Variants in ADAMTS7 observed in about 807,000 individuals in gnomAD.
The protein encoded by ADAMTS7 is ADAM metallopeptidase with thrombospondin type 1 motif 7.
Under a neutral mutation model 172.6 loss-of-function variants are expected in ADAMTS7, and 89 were observed. The ratio of observed to expected loss-of-function variants is 0.52; its 90% CI spans 0.43 to 0.61. The LOEUF (loss-of-function observed/expected upper bound fraction) is 0.61. Ranked by LOEUF, ADAMTS7 falls within the 20% of genes least tolerant of loss-of-function variation. ADAMTS7 has a pLI of 0.00. For missense variants in ADAMTS7, 1,973 were observed against 2,355.6 expected, an observed-to-expected ratio of 0.84 and a Z score of 3.36; for synonymous variants, 885 against 978.4, an observed-to-expected ratio of 0.90 and a Z score of 1.78.
chr15:78,765,787 G>T lies in ADAMTS7; in HGVS notation c.4124C>A (p.Ser1375Tyr), dbSNP rs759675330. ...PEVPLSSRLL[S>Y]TPAWDSPANS... is the part of the protein sequence containing the mutation. Reference sequence around the variant, plus strand: ...GGCGGGGCTGTCCCAAGCTGGTGTGGACAGCAGCCTAGAGCTCAGGGGCAC... The same window carrying T: ...GGCGGGGCTGTCCCAAGCTGGTGTGTACAGCAGCCTAGAGCTCAGGGGCAC... The change falls in exon 19 of 24, where the codon TCC becomes TAC. Residue 1375 changes from serine (S) to tyrosine (Y), a missense_variant. By Grantham distance (144) the Ser-to-Tyr change is moderately radical. This residue lies in a region of ADAMTS7 where 771 missense variants were observed against 952.6 expected (regional missense o/e 0.81). Transcript: ENST00000388820. The T allele has an allele frequency of 2.4e-5, 38 of 1,607,550 alleles. No individual in the cohort carries two copies. Among genetic ancestry groups the T allele is most frequent in the Non-Finnish European group, 1.2e-5 (14 of 1,178,890 alleles).
chr15:78,761,211 A>C (rs1407842099), intron 23 of ADAMTS7, among the ~76,000 whole-genome samples: 1 of 152,218 alleles, frequency 6.6e-6, no homozygotes, highest in Non-Finnish European at 1.5e-5. Flanking sequence ...CTGAGCCTGA[A>C]TGAGGGCTGC....
In ADAMTS7 at chr15:78,800,455, G is replaced by C. The variant is rs771557466; in HGVS notation, c.193C>G (p.Arg65Gly). 3.1e-6 allele frequency: 5 copies of C among 1,610,968 alleles called. No homozygotes were observed. The highest frequency in any genetic ancestry group is 2.2e-5 in the East Asian group (1 of 44,792). The change falls in exon 2 of 24, where the codon CGC becomes GGC. Residue 65 changes from arginine (R) to glycine (G), a missense_variant. Arg to Gly is a moderately radical substitution (Grantham distance 125, BLOSUM62 -2). This residue lies in a region of ADAMTS7 where 306 missense variants were observed against 288.0 expected (regional missense o/e 1.06). Transcript: ENST00000388820. ...GSFLSYELWP[R>G]ALRKRDVSVR... ...GATACATCCCGCTTGCGCAGTGCGC[G>C]GGGCCACAGCTCGTAGGACAGGAAG...
chr15:78,761,543 C>A (rs2055043011), intron 23 of ADAMTS7, among the ~76,000 whole-genome samples: 1 of 152,210 alleles, frequency 6.6e-6, no homozygotes. Flanking sequence ...CATGCCCAGA[C>A]CTCATTTATG....
chr15:78,765,366 G>A (rs563293274), intron 19 of ADAMTS7, among the ~76,000 whole-genome samples: 12 of 152,346 alleles, frequency 7.9e-5, no homozygotes, highest in African/African-American at 2.6e-4. Context: ...TGGGCCTGGC[G>A]GCCATGCGGG....
rs753702440 is a variant in ADAMTS7 at position 78,766,214 on chromosome 15, G to A, written c.3697C>T (p.Pro1233Ser). 9.9e-6 allele frequency: 16 copies of A among 1,611,900 alleles called. No homozygotes were observed. The South Asian group carries it at 1.6e-4, about 17-fold the overall frequency. ...EPKGRGAPHL[P>S]PRPSSTLPPL... ...GGCAGCGTGGAGCTGGGTCTCGGGG[G>A]CAGGTGGGGTGCTCCTCGGCCCTTG... is the stretch of plus-strand genomic sequence containing the variant. Residue 1233 changes from proline to serine, a missense_variant, in exon 19 of 24, where the codon CCC becomes TCC. Physicochemically the swap from Pro to Ser is moderately conservative, Grantham distance 74. Coordinates refer to ENST00000388820, the MANE Select transcript of ADAMTS7 (RefSeq NM_014272.5).
At chr15:78,786,527 G>A (rs1444682456) in intron 8 of ADAMTS7, among the ~76,000 whole-genome samples, 1 of 152,132 alleles carries the variant, frequency 6.6e-6, no homozygotes, top group Non-Finnish European at 1.5e-5. Flanking sequence ...TGACCAAGGT[G>A]CCCCATCATC....
chr15:78,793,469 C>G (rs1305409495), intron 4 of ADAMTS7, among the ~76,000 whole-genome samples: 4 of 151,992 alleles, frequency 2.6e-5, no homozygotes, highest in Non-Finnish European at 5.9e-5. Context: ...CTCAAGCAAT[C>G]CTCCCACCTC....
In ADAMTS7 at chr15:78,793,090, C is replaced by T. The variant is rs185233169; in HGVS notation, c.820-1867G>A. Among the ~76,000 whole-genome samples, 4 of 152,236 alleles carry T rather than the reference C, an allele frequency of 2.6e-5. No homozygotes were observed. In the East Asian group the frequency reaches 5.8e-4, roughly 22 times the overall value. ...TCAATCGAGCTTAACACGTACAGTC[C>T]CTGTGCTGGGGGCTTAGCATGCATT... On this transcript the variant is annotated intron_variant, in intron 4 of 23. Transcript: ENST00000388820.
chr15:78,809,585 A>C (rs1318252085), intron 1 of ADAMTS7, among the ~76,000 whole-genome samples: 1 of 152,232 alleles, frequency 6.6e-6, no homozygotes, highest in Admixed American at 6.5e-5. Context: ...CTGCCTGAGC[A>C]ACTGACATAT....
At chr15:78,764,404 C>G in intron 20 of ADAMTS7, 151 bp downstream of exon 20, 1 of 1,138,724 alleles carries the variant, frequency 8.8e-7, no homozygotes, top group Non-Finnish European at 1.2e-6. Flanking sequence ...TGAGAAGACT[C>G]CCAAGAGATT....
rs2055242272 is a variant in ADAMTS7 at position 78,771,171 on chromosome 15, A to G, written c.2509T>C (p.Cys837Arg). 1 of 1,608,816 alleles carries G rather than the reference A, an allele frequency of 6.2e-7. No individual in the cohort carries two copies. Among genetic ancestry groups the G allele is most frequent in the South Asian group, 1.1e-5 (1 of 90,482 alleles). The change falls in exon 16 of 24, where the codon TGC becomes CGC. Residue 837 changes from cysteine to arginine, a missense_variant. Coordinates refer to ENST00000388820, the MANE Select transcript of ADAMTS7 (RefSeq NM_014272.5). The surrounding 1 kb of genome is among the most constrained non-coding windows in gnomAD (Gnocchi z 4.9). Reference protein sequence around the residue: ...YGPWTKCTVTCGRGVQRQNVY... With the variant: ...YGPWTKCTVTRGRGVQRQNVY... Reference sequence around the variant, plus strand: ...CTGCCCCACTTCTCACCTCTGCCGCAGGTGACTGTGCACTTGGTCCAGGGC... The same window carrying G: ...CTGCCCCACTTCTCACCTCTGCCGCGGGTGACTGTGCACTTGGTCCAGGGC...
Position 78,789,766 on chromosome 15 carries a change from C to T in ADAMTS7, c.1101G>A (p.Gln367=), listed in dbSNP as rs2277548. ...LGLSHVAGMC[Q]PHRSCSINED... is the part of the protein sequence containing the mutation. ...CGTTGATGCTGCAGCTGCGGTGCGG[C>T]TGGCACATGCCCGCCACATGGGACA... is the stretch of plus-strand genomic sequence containing the variant. Residue 367 remains glutamine, a synonymous_variant, in exon 7 of 24, where the codon CAG becomes CAA. Transcript: ENST00000388820. 0.019 allele frequency: 30,498 copies of T among 1,609,448 alleles called. 4,495 individuals carry two copies. In the East Asian group the frequency reaches 0.37, roughly 20 times the overall value.
chr15:78,799,841 T>TTTC (rs1567239655), intron 2 of ADAMTS7, among the ~76,000 whole-genome samples: 11 of 151,156 alleles, frequency 7.3e-5, no homozygotes, highest in South Asian at 2.1e-4. Context: ...TTCTTTCTTT[T>TTTC]TTTTTTTTTG....
intron 6 of ADAMTS7, 119 bp from the exon 7 acceptor site, chr15:78,789,957 C>T (rs369767015): frequency 2.3e-5 from 32 of 1,386,490 alleles, no homozygotes; most frequent in African/African-American, 1.7e-4. Context: ...TCTCTCCCAC[C>T]GTTCTGTGAC....
chr15:78,774,563 C>G (rs568422967), intron 12 of ADAMTS7, 61 bp downstream of exon 12: 2 of 1,609,094 alleles, frequency 1.2e-6, no homozygotes, highest in African/African-American at 1.3e-5. Context: ...ACAGGGTAAC[C>G]TTGGACCCAC....
intron 1 of ADAMTS7, among the ~76,000 whole-genome samples, chr15:78,807,798 TTTATC>T (rs2055815638): frequency 6.6e-6 from 1 of 152,214 alleles, no homozygotes; most frequent in Non-Finnish European, 1.5e-5. Flanking sequence ...AACTTGTTGT[TTTATC>T]TGTTTGCCTA....
intron 3 of ADAMTS7, 30 bp downstream of exon 3, chr15:78,797,918 C>A (rs779247826): frequency 1.3e-6 from 2 of 1,584,888 alleles, no homozygotes; most frequent in African/African-American, 2.7e-5. Context: ...GCCCAGCACC[C>A]ACCCGAGAAC....
chr15:78,807,274 G>C (rs2055809998), intron 1 of ADAMTS7, among the ~76,000 whole-genome samples: 1 of 152,118 alleles, frequency 6.6e-6, no homozygotes, highest in South Asian at 2.1e-4. Flanking sequence ...GTATGTAACT[G>C]AGGAATCAAC....
chr15:78,798,562 T>G (rs1313548305), intron 2 of ADAMTS7, among the ~76,000 whole-genome samples: 1 of 152,086 alleles, frequency 6.6e-6, no homozygotes, highest in Non-Finnish European at 1.5e-5. Flanking sequence ...CTTCTGACCT[T>G]CCCTCTATCT....
Sources: gnomAD v4.1 joint callset for allele counts (sites outside exome capture counted in the v4.1 genomes callset) on GRCh38, gnomAD v4.1.1 for gene constraint, gnomAD v4.1.1 regional missense constraint, Gnocchi (gnomAD v3.1) non-coding constraint, MANE v1.5 for transcripts, NCBI Gene and HGNC (gene_info 2026-07-23, HGNC 2026-07-21) for gene names.